Variants in NUP98 observed in about 807,000 individuals in gnomAD.
NUP98 encodes nucleoporin 98 and 96 precursor, also known as nuclear pore complex protein Nup98-Nup96.
In NUP98, 26 loss-of-function variants were observed where a neutral mutation model predicts 191.9. The observed-to-expected ratio is 0.14, with a 90% CI of 0.10 to 0.19. The LOEUF (loss-of-function observed/expected upper bound fraction) is 0.19, where lower values mean the gene tolerates loss of function less well. NUP98 is among the 10% of genes least tolerant of loss of function. NUP98 has a pLI of 1.00. For missense variants in NUP98, 1,941 were observed against 2,178.8 expected, an observed-to-expected ratio of 0.89 and a Z score of 2.17; for synonymous variants, 808 against 778.4, an observed-to-expected ratio of 1.04 and a Z score of -0.63.
chr11:3,678,816 A>G lies in NUP98; in HGVS notation c.5073+738T>C, dbSNP rs137936832. 1.0e-3 allele frequency among the ~76,000 whole-genome samples: 152 copies of G among 152,230 alleles called. 1 individual carries two copies. The highest frequency in any genetic ancestry group is 3.5e-3 in the African/African-American group (147 of 41,540). On this transcript the variant is annotated intron_variant, in intron 31 of 32. Coordinates refer to ENST00000324932, the MANE Select transcript of NUP98 (RefSeq NM_016320.5). ...CAGTGGAGACTCATTTTACGACTAC[A>G]AAGACTGACCTTAAGGCTGCGTGCA...
At chr11:3,701,142 T>C (rs61879795) in intron 23 of NUP98, among the ~76,000 whole-genome samples, 12,321 of 152,164 alleles carry the variant, frequency 0.081, 653 homozygotes, top group Non-Finnish European at 0.12. Flanking sequence ...TATTGTGGGA[T>C]ACCTGTTTCT....
intron 1 of NUP98, among the ~76,000 whole-genome samples, chr11:3,792,806 C>T (rs1437353966): frequency 6.6e-6 from 1 of 152,062 alleles, no homozygotes; most frequent in African/African-American, 2.4e-5. Context: ...TTTCAGATTC[C>T]ATACTGTAAT....
chr11:3,719,618 G>T, intron 17 of NUP98, 68 bp from the exon 18 acceptor site: 1 of 1,150,548 alleles, frequency 8.7e-7, no homozygotes, highest in Non-Finnish European at 1.2e-6. Flanking sequence ...TACAACTATA[G>T]TGATTAAACA....
chr11:3,737,422 G>GA (rs2080109661), intron 12 of NUP98, among the ~76,000 whole-genome samples: 1 of 151,402 alleles, frequency 6.6e-6, no homozygotes, highest in Admixed American at 6.6e-5. Flanking sequence ...TCAGGAGATC[G>GA]AGACTATCCT....
At position 3,762,978 on chromosome 11, in the gene NUP98, G is replaced by C; in HGVS notation, c.1010C>G (p.Thr337Ser). ...PGGLFGTATN[T>S]STGTAFGTGT... is the part of the protein sequence containing the mutation. ...TGTTCCAAATGCTGTCCCAGTGCTG[G>C]TGTTTGTAGCTGTCCCAAAAAGACC... The change falls in exon 9 of 33, where the codon ACC (threonine) becomes AGC (serine). Residue 337 changes from threonine (T) to serine (S), a missense_variant. By Grantham distance (58) the Thr-to-Ser change is moderately conservative. This residue lies in a region of NUP98 where 181 missense variants were observed against 228.0 expected (regional missense o/e 0.79). Transcript: ENST00000324932. 6.2e-7 allele frequency: 1 copy of C among 1,614,096 alleles called. No individual in the cohort carries two copies. The highest frequency in any genetic ancestry group is 8.5e-7 in the Non-Finnish European group (1 of 1,180,016).
intron 11 of NUP98, among the ~76,000 whole-genome samples, chr11:3,749,877 G>A (rs551355740): frequency 2.6e-5 from 4 of 152,260 alleles, no homozygotes; most frequent in Admixed American, 1.3e-4. Context: ...TGTATATAAT[G>A]TGAGCAACAC....
Position 3,725,260 on chromosome 11 carries a change from A to G in NUP98, c.1731-41T>C, listed in dbSNP as rs76332633. ...CAAAAGAAGAAGAAAAAAATTACTC[A>G]GGCATACAGATATGTCCCAGACATT... On this transcript the variant is annotated intron_variant, in intron 14 of 32. Coordinates refer to ENST00000324932, the MANE Select transcript of NUP98 (RefSeq NM_016320.5). The G allele has an allele frequency of 2.9e-4, 267 of 924,980 alleles. 2 individuals carry two copies. In the East Asian group the frequency reaches 6.3e-3, roughly 22 times the overall value. 57.3% of individuals were successfully genotyped at this position (924,980 alleles called of 1,614,324 possible). A position where few individuals can be genotyped will look rare whatever the true frequency, so the allele number is the denominator to read the frequency against.
chr11:3,725,000 A>G, intron 15 of NUP98, 103 bp downstream of exon 15: 2 of 600,632 alleles, frequency 3.3e-6, no homozygotes, highest in East Asian at 2.6e-5. Context: ...ACTTCTATGT[A>G]ATATTCATCA....
chr11:3,724,929 G>A (rs1045866195), intron 15 of NUP98, among the ~76,000 whole-genome samples, 174 bp downstream of exon 15: 3 of 152,026 alleles, frequency 2.0e-5, no homozygotes, highest in Admixed American at 6.6e-5. Context: ...TAATTTTAAG[G>A]TTTAATGAAT....
intron 12 of NUP98, among the ~76,000 whole-genome samples, chr11:3,741,193 G>T (rs2080275089): frequency 1.3e-5 from 2 of 151,886 alleles, no homozygotes; most frequent in African/African-American, 4.8e-5. Flanking sequence ...AAATCATCCT[G>T]AAAATCCAAG....
chr11:3,785,573 A>G (rs2082116447), intron 1 of NUP98, among the ~76,000 whole-genome samples: 1 of 152,208 alleles, frequency 6.6e-6, no homozygotes, highest in African/African-American at 2.4e-5. Context: ...AGCTTGGCCA[A>G]CATGGCAAAA....
chr11:3,789,501 CTTTTTTT>C (rs914589009), intron 1 of NUP98, among the ~76,000 whole-genome samples: 42 of 123,066 alleles, frequency 3.4e-4, no homozygotes, highest in South Asian at 1.1e-3. Flanking sequence ...TTACCTATTT[CTTTTTTT>C]TTTTTTTTTT....
intron 8 of NUP98, among the ~76,000 whole-genome samples, chr11:3,763,570 T>C (rs1204581223): frequency 2.0e-5 from 3 of 152,178 alleles, no homozygotes; most frequent in Non-Finnish European, 2.9e-5. Flanking sequence ...CTTAATTCCT[T>C]TTTTTGATAC....
chr11:3,782,917 T>C (rs548852957), intron 1 of NUP98, among the ~76,000 whole-genome samples: 40 of 152,330 alleles, frequency 2.6e-4, no homozygotes, highest in African/African-American at 9.4e-4. Context: ...CTTCGAGGGA[T>C]ATAAAACATG....
chr11:3,779,603 T>A (rs1415301362), intron 2 of NUP98, among the ~76,000 whole-genome samples: 1 of 149,554 alleles, frequency 6.7e-6, no homozygotes. Flanking sequence ...ATCGTGCCAC[T>A]GCACTCCAGC....
intron 4 of NUP98, among the ~76,000 whole-genome samples, chr11:3,778,416 A>C (rs1461494224): frequency 6.6e-6 from 1 of 152,190 alleles, no homozygotes; most frequent in Non-Finnish European, 1.5e-5. Context: ...TGCCATGGAC[A>C]AAGAATGGAG....
Position 3,702,520 on chromosome 11 carries a change from T to G in NUP98, c.3455A>C (p.His1152Pro), listed in dbSNP as rs746336075. 2.5e-6 allele frequency: 4 copies of G among 1,614,084 alleles called. No homozygotes were observed. The highest frequency in any genetic ancestry group is 2.5e-6 in the Non-Finnish European group (3 of 1,180,010). Residue 1152 changes from histidine to proline, a missense_variant, in exon 23 of 33, where the codon CAT becomes CCT. By Grantham distance (77) the His-to-Pro change is moderately conservative. Coordinates refer to ENST00000324932, the MANE Select transcript of NUP98 (RefSeq NM_016320.5). ...AAACTCCATGGAATCGGCAATCTGATGATTTTCTAGTTCATGAGAGCCATT... is the reference window on the plus strand; with the variant it reads ...AAACTCCATGGAATCGGCAATCTGAGGATTTTCTAGTTCATGAGAGCCATT... The part of the protein sequence containing the change: ...QLNGSHELEN[H>P]QIADSMEFGF...
intron 18 of NUP98, among the ~76,000 whole-genome samples, chr11:3,718,666 T>C (rs1392317290): frequency 1.3e-5 from 2 of 152,214 alleles, no homozygotes; most frequent in African/African-American, 4.8e-5. Context: ...GTTGGTAGGT[T>C]ATGAAGATAA....
intron 9 of NUP98, among the ~76,000 whole-genome samples, chr11:3,761,949 C>A (rs139325536): frequency 2.6e-3 from 399 of 151,492 alleles, no homozygotes; most frequent in African/African-American, 9.1e-3. Context: ...GTTTCAAAAA[C>A]AACAACAACA....
Sources: allele counts gnomAD v4.1 joint callset (sites outside exome capture counted in the v4.1 genomes callset), GRCh38; gene constraint gnomAD v4.1.1; regional missense constraint gnomAD v4.1.1; transcripts MANE v1.5; gene names NCBI Gene and HGNC (gene_info 2026-07-23, HGNC 2026-07-21).